Variants in CNKSR2 observed in about 807,000 individuals in gnomAD.
CNKSR2 encodes CNK homolog protein 2.
A neutral mutation model predicts 84.4 loss-of-function variants in CNKSR2; 14 were observed. The ratio of observed to expected loss-of-function variants is 0.17; its 90% CI spans 0.11 to 0.26. CNKSR2 has a LOEUF of 0.26. Ranked by LOEUF, CNKSR2 falls within the 10% of genes least tolerant of loss-of-function variation. The probability of loss-of-function intolerance (pLI) is 1.00; values close to 1 mark genes in which losing one functional copy is unlikely to be tolerated. For synonymous variants in CNKSR2, 275 were observed against 277.9 expected (o/e 0.99, Z 0.10); for missense variants, 485 against 771.2 (o/e 0.63, Z 4.40).
chrX:21,395,849 A>C (rs2090114590), intron 1 of CNKSR2, among the ~76,000 whole-genome samples: 2 of 111,517 alleles, frequency 1.8e-5, no homozygotes, highest in Non-Finnish European at 3.8e-5. Context: ...TTAAATGCCA[A>C]ACACGAAACT....
intron 10 of CNKSR2, among the ~76,000 whole-genome samples, chrX:21,528,183 C>T (rs979713203): frequency 6.3e-5 from 7 of 110,620 alleles, no homozygotes; most frequent in South Asian, 7.4e-4. Flanking sequence ...TATACAAATC[C>T]ATCCAATATC....
intron 1 of CNKSR2, chrX:21,424,861 A>G (rs151058443): frequency 1.4e-4 from 16 of 111,884 alleles, no homozygotes; most frequent in Admixed American, 4.8e-4. Flanking sequence ...TTCAGCACAT[A>G]TTTGTAATAG....
At chrX:21,464,788 A>G (rs1435515226) in intron 4 of CNKSR2, among the ~76,000 whole-genome samples, 3 of 112,480 alleles carry the variant, frequency 2.7e-5, no homozygotes, top group Non-Finnish European at 3.8e-5. Context: ...AGTCAAGAGA[A>G]ATTATAAACT....
chrX:21,616,946 A>C (rs1481430219), intron 20 of CNKSR2, among the ~76,000 whole-genome samples: 2 of 112,013 alleles, frequency 1.8e-5, no homozygotes, highest in Non-Finnish European at 3.8e-5. Context: ...TAATCTCAAA[A>C]GTGTTAGTAA....
intron 13 of CNKSR2, among the ~76,000 whole-genome samples, chrX:21,586,575 TAATA>T (rs1239192467): frequency 9.9e-5 from 11 of 111,457 alleles, no homozygotes; most frequent in Non-Finnish European, 2.1e-4. Context: ...TAGAGAAAAT[TAATA>T]CTTTTTTAAA....
At chrX:21,638,367 A>G (rs1018124453) in intron 20 of CNKSR2, among the ~76,000 whole-genome samples, 7 of 111,775 alleles carry the variant, frequency 6.3e-5, no homozygotes, top group Admixed American at 9.6e-5. Flanking sequence ...ATTTGGGGCA[A>G]TGTTTAAATT....
chrX:21,495,961 T>A (rs2147055077), intron 6 of CNKSR2, among the ~76,000 whole-genome samples: 1 of 109,562 alleles, frequency 9.1e-6, no homozygotes, highest in South Asian at 4.0e-4. Flanking sequence ...CAAACCTAGA[T>A]AGTACAGCCT....
rs771399705 is a variant in CNKSR2 at position 21,444,520 on chromosome X, C to T, written c.519+3739C>T. Among the ~76,000 whole-genome samples the T allele has an allele frequency of 3.6e-5, 4 of 110,512 alleles. No homozygotes were observed. In the South Asian group the frequency reaches 1.1e-3, roughly 32 times the overall value. On this transcript the variant is annotated intron_variant, in intron 4 of 21. Coordinates refer to ENST00000379510, the MANE Select transcript of CNKSR2 (RefSeq NM_014927.5). ...TTTTCTTTTTCTGTAAAAGTGGATC[C>T]CTACCATTTTTTAGATTATTGTTGG...
intron 10 of CNKSR2, among the ~76,000 whole-genome samples, chrX:21,528,819 C>G (rs972359534): frequency 1.8e-5 from 2 of 110,927 alleles, no homozygotes; most frequent in Admixed American, 9.6e-5. Context: ...CTTACCCAGT[C>G]ATAAAGTCTT....
chrX:21,540,336 G>T (rs1462786883), intron 11 of CNKSR2, among the ~76,000 whole-genome samples: 1 of 111,452 alleles, frequency 9.0e-6, no homozygotes. Flanking sequence ...CTGAAGATTT[G>T]TCTAAATATC....
At chrX:21,497,288 T>C (rs935995031) in intron 6 of CNKSR2, among the ~76,000 whole-genome samples, 7 of 111,290 alleles carry the variant, frequency 6.3e-5, no homozygotes, top group African/African-American at 2.3e-4. Flanking sequence ...TACTACAAAA[T>C]AGAAGGAGAA....
intron 4 of CNKSR2, among the ~76,000 whole-genome samples, chrX:21,458,000 G>C (rs1206718982): frequency 8.9e-6 from 1 of 111,772 alleles, no homozygotes; most frequent in Non-Finnish European, 1.9e-5. Context: ...TTTGCTGAAG[G>C]AATAAGAAGG....
chrX:21,591,167 A>C lies in CNKSR2; in HGVS notation c.1803A>C (p.Ala601=), dbSNP rs200395235. 4.2e-6 allele frequency: 5 copies of C among 1,203,074 alleles called. No homozygotes were observed. Among genetic ancestry groups the C allele is most frequent in the Non-Finnish European group, 5.6e-6 (5 of 889,753 alleles). ...AATATTGGTTTGTCCTAAAGGATGC[A>C]TCCCTTTATTGGTATATTAATGAGG... is the stretch of plus-strand genomic sequence containing the variant. ...WKKYWFVLKD[A]SLYWYINEED... The change falls in exon 15 of 22, where the codon GCA becomes GCC. Residue 601 remains alanine, a synonymous_variant. Transcript: ENST00000379510.
chrX:21,517,382 T>TA (rs923116660), intron 9 of CNKSR2, among the ~76,000 whole-genome samples: 5 of 108,943 alleles, frequency 4.6e-5, no homozygotes, highest in African/African-American at 1.3e-4. Context: ...CTCCATCTCT[T>TA]AAAAAAAAAT....
At chrX:21,614,213 T>C (rs1327406225) in intron 20 of CNKSR2, among the ~76,000 whole-genome samples, 1 of 111,154 alleles carries the variant, frequency 9.0e-6, no homozygotes, top group Non-Finnish European at 1.9e-5. Context: ...GAAGATTTTC[T>C]AAAGGTCATG....
At chrX:21,441,002 C>T (rs896980673) in intron 4 of CNKSR2, 13 of 251,055 alleles carry the variant, frequency 5.2e-5, no homozygotes, top group African/African-American at 3.1e-4. Context: ...CCTGTACACA[C>T]ACAAACAAAT....
At chrX:21,560,962 G>T (rs1269485683) in intron 11 of CNKSR2, among the ~76,000 whole-genome samples, 1 of 110,607 alleles carries the variant, frequency 9.0e-6, no homozygotes, top group Non-Finnish European at 1.9e-5. Flanking sequence ...AGGCATGGTG[G>T]TGTCCAAAAT....
intron 11 of CNKSR2, among the ~76,000 whole-genome samples, chrX:21,559,379 A>G (rs762036989): frequency 4.7e-4 from 52 of 109,788 alleles, no homozygotes; most frequent in Non-Finnish European, 7.8e-4. Context: ...ATAATTATTC[A>G]TAAAGGAGTG....
chrX:21,378,503 AT>A (rs2089852420), intron 1 of CNKSR2, among the ~76,000 whole-genome samples: 1 of 111,521 alleles, frequency 9.0e-6, no homozygotes, highest in Non-Finnish European at 1.9e-5. Flanking sequence ...GCCTGGAAAT[AT>A]TTCATAATTT....
Sources: allele counts gnomAD v4.1 joint callset (sites outside exome capture counted in the v4.1 genomes callset), GRCh38; gene constraint gnomAD v4.1.1; transcripts MANE v1.5; gene names NCBI Gene and HGNC (gene_info 2026-07-23, HGNC 2026-07-21).